The following KCNMA1 variants were observed in gnomAD, a reference collection of about 807,000 sequenced individuals.
KCNMA1 encodes Calcium-activated potassium channel subunit alpha-1.
KCNMA1 carries 29 observed loss-of-function variants against 140.0 expected under a neutral mutation model. The ratio of observed to expected loss-of-function variants is 0.21; its 90% CI spans 0.15 to 0.28. The LOEUF (loss-of-function observed/expected upper bound fraction) is 0.28. Among genes scored for constraint, KCNMA1 ranks in the 10% least tolerant of loss-of-function variants. The pLI is 1.00. For synonymous variants in KCNMA1, 612 were observed against 611.9 expected (o/e 1.00, Z 0.00); for missense variants, 880 against 1,602.2 (o/e 0.55, Z 7.70).
At chr10:77,058,705 C>T (rs1412627169) in intron 14 of KCNMA1, among the ~76,000 whole-genome samples, 1 of 151,880 alleles carries the variant, frequency 6.6e-6, no homozygotes, top group African/African-American at 2.4e-5. Context: ...ATATTGTTAA[C>T]TGAACAAAAA....
At chr10:77,085,593 T>A (rs1246355338) in intron 11 of KCNMA1, among the ~76,000 whole-genome samples, 1 of 152,204 alleles carries the variant, frequency 6.6e-6, no homozygotes, top group Non-Finnish European at 1.5e-5. Context: ...TGGTATGTTA[T>A]ACTTAATAGA....
At chr10:76,884,644 T>A (rs560304817), downstream of KCNMA1, 3 of 210,460 alleles carry the variant, frequency 1.4e-5, no homozygotes, top group South Asian at 4.6e-4. Flanking sequence ...GGAGAGAAGT[T>A]CCCCCCAAAT....
intron 14 of KCNMA1, among the ~76,000 whole-genome samples, chr10:77,057,348 T>C (rs1338090097): frequency 1.3e-5 from 2 of 152,138 alleles, no homozygotes; most frequent in Non-Finnish European, 2.9e-5. Context: ...ATAAAGATAT[T>C]TTCAGATGAC....
intron 23 of KCNMA1, among the ~76,000 whole-genome samples, chr10:76,932,312 T>C (rs2059475095): frequency 6.6e-6 from 1 of 152,244 alleles, no homozygotes; most frequent in Non-Finnish European, 1.5e-5. Flanking sequence ...TTAAAGGTAC[T>C]GTATGGACAA....
chr10:77,433,666 A>C (rs2097196664), intron 1 of KCNMA1: 3 of 152,212 alleles, frequency 2.0e-5, no homozygotes, highest in Admixed American at 1.3e-4. Context: ...CAGCCACAGC[A>C]AAGTTACAGA....
At position 77,619,314 on chromosome 10, in the gene KCNMA1, GTCTCTC is replaced by G. The variant is rs61564819; in HGVS notation, c.378+17945_378+17950del. 3.3e-3 allele frequency among the ~76,000 whole-genome samples: 301 copies of G among 91,476 alleles called. 1 individual carries two copies. The highest frequency in any genetic ancestry group is 0.014 in the African/African-American group (210 of 15,026). The allele number at this position is 91,476 out of a possible 152,430, so 60.0% of individuals were successfully genotyped here. ...CCCAGTAGTGTCTCTCTGTCTGTCT[GTCTCTC>G]TCTCTCTCTCTCTCTCTCTCTCTCT... On this transcript the variant is annotated intron_variant, in intron 1 of 27. Transcript: ENST00000286628.
rs1484905891 is a variant in KCNMA1 at position 77,503,303 on chromosome 10, T to C, written c.379-99280A>G. 2.0e-5 allele frequency among the ~76,000 whole-genome samples: 3 copies of C among 151,604 alleles called. No homozygotes were observed. The East Asian group carries it at 5.8e-4, about 29-fold the overall frequency. On this transcript the variant is annotated intron_variant, in intron 1 of 27. Coordinates refer to ENST00000286628, the MANE Select transcript of KCNMA1 (RefSeq NM_001161352.2). ...AAACTGACCTAGTACACATTTTGGATTTTTTTTCTTTCTTCCAAAGCTCTG... is the reference window on the plus strand; with the variant it reads ...AAACTGACCTAGTACACATTTTGGACTTTTTTTCTTTCTTCCAAAGCTCTG...
intron 3 of KCNMA1, chr10:77,249,777 G>C (rs974467528): frequency 2.6e-5 from 4 of 152,142 alleles, no homozygotes; most frequent in African/African-American, 9.7e-5. Flanking sequence ...ATTTAAAAGG[G>C]GGCTTACCTT....
At chr10:77,282,469 T>C (rs2068998330) in intron 2 of KCNMA1, among the ~76,000 whole-genome samples, 1 of 152,218 alleles carries the variant, frequency 6.6e-6, no homozygotes, top group Non-Finnish European at 1.5e-5. Flanking sequence ...CCAAGCATTC[T>C]TCTCGGAAGC....
At chr10:76,943,160 A>T (rs1012954058) in intron 23 of KCNMA1, among the ~76,000 whole-genome samples, 3 of 152,168 alleles carry the variant, frequency 2.0e-5, no homozygotes, top group Non-Finnish European at 2.9e-5. Context: ...GTCTTCTCAC[A>T]TCCTTTCTCG....
chr10:77,110,734 T>C (rs374924482), intron 7 of KCNMA1, among the ~76,000 whole-genome samples: 12 of 152,204 alleles, frequency 7.9e-5, no homozygotes, highest in African/African-American at 2.9e-4. Flanking sequence ...CCTTCCTCAA[T>C]GGGTTTCTAA....
At chr10:77,008,251 A>G in intron 18 of KCNMA1, 1 of 1,496,944 alleles carries the variant, frequency 6.7e-7, no homozygotes. Flanking sequence ...CAAAGAGAAA[A>G]AAAATAAATC....
At chr10:76,902,271 G>A (rs935050431) in intron 25 of KCNMA1, 9 of 152,256 alleles carry the variant, frequency 5.9e-5, no homozygotes, top group African/African-American at 2.2e-4. Context: ...TTTTTTTCTG[G>A]GTTAACATAA....
chr10:77,304,387 C>T (rs1462364004), intron 2 of KCNMA1: 1 of 152,190 alleles, frequency 6.6e-6, no homozygotes, highest in Non-Finnish European at 1.5e-5. Flanking sequence ...TGAGTCATAC[C>T]TCCATAGCAG....
chr10:77,532,011 C>T (rs1020857964), intron 1 of KCNMA1, among the ~76,000 whole-genome samples: 18 of 152,116 alleles, frequency 1.2e-4, no homozygotes, highest in African/African-American at 4.3e-4. Flanking sequence ...AGTGGAGAGC[C>T]CAGTTACCCA....
chr10:77,408,030 GA>G (rs2096528202), intron 1 of KCNMA1, among the ~76,000 whole-genome samples: 1 of 152,178 alleles, frequency 6.6e-6, no homozygotes, highest in African/African-American at 2.4e-5. Context: ...GGCGCTGTGT[GA>G]CCACCACCCA....
intron 2 of KCNMA1, among the ~76,000 whole-genome samples, chr10:77,280,664 C>A (rs376992188): frequency 6.6e-6 from 1 of 151,266 alleles, no homozygotes; most frequent in Non-Finnish European, 1.5e-5. Context: ...GTAGCTGGGA[C>A]TACAGACAGG....
intron 2 of KCNMA1, among the ~76,000 whole-genome samples, chr10:77,272,512 T>C (rs1375518881): frequency 2.0e-5 from 3 of 152,150 alleles, no homozygotes; most frequent in African/African-American, 7.2e-5. Context: ...TGAGGTCCTC[T>C]TGCATCCTCA....
intron 14 of KCNMA1, among the ~76,000 whole-genome samples, chr10:77,053,448 G>A (rs1363879647): frequency 6.6e-6 from 1 of 152,190 alleles, no homozygotes; most frequent in Admixed American, 6.5e-5. Context: ...AGTGGAGGGT[G>A]AATTGCCAGA....
Sources: allele counts gnomAD v4.1 joint callset (sites outside exome capture counted in the v4.1 genomes callset), GRCh38; gene constraint gnomAD v4.1.1; transcripts MANE v1.5; gene names NCBI Gene and HGNC (gene_info 2026-07-23, HGNC 2026-07-21).